The following DHRS7B variants were observed in gnomAD, a reference collection of about 807,000 sequenced individuals.
DHRS7B encodes peroxisomal reductase activating PPAR-gamma.
Under a neutral mutation model 26.4 loss-of-function variants are expected in DHRS7B, and 24 were observed. The observed-to-expected ratio is 0.91, with a 90% CI of 0.66 to 1.28. The LOEUF is 1.28. Ranked by LOEUF, DHRS7B falls within the 50% of genes most tolerant of loss-of-function variation. The pLI, the probability that DHRS7B is intolerant of heterozygous loss-of-function variation, is 0.00. For synonymous variants in DHRS7B, 142 were observed against 166.4 expected, an observed-to-expected ratio of 0.85 and a Z score of 1.13; for missense variants, 368 against 419.4, an observed-to-expected ratio of 0.88 and a Z score of 1.07.
chr17:21,138,152 A>G (rs1176024527), intron 1 of DHRS7B, among the ~76,000 whole-genome samples: 1 of 136,566 alleles, frequency 7.3e-6, no homozygotes, highest in Non-Finnish European at 1.6e-5. Context: ...TGCGACTTAT[A>G]CTGACCATTC....
At chr17:21,162,994 G>A (rs146266754) in intron 1 of DHRS7B, among the ~76,000 whole-genome samples, 2,128 of 152,092 alleles carry the variant, frequency 0.014, 51 homozygotes, top group African/African-American at 0.048. Flanking sequence ...TGAGGACTTC[G>A]AGACCAGCCT....
At chr17:21,129,344 C>G (rs745484206) in intron 1 of DHRS7B, among the ~76,000 whole-genome samples, 6 of 151,882 alleles carry the variant, frequency 4.0e-5, no homozygotes, top group Admixed American at 6.6e-5. Flanking sequence ...GGACAAAGAG[C>G]TAACAGGAGG....
chr17:21,132,354 T>A (rs1461453606), intron 1 of DHRS7B, among the ~76,000 whole-genome samples: 7 of 146,414 alleles, frequency 4.8e-5, no homozygotes, highest in African/African-American at 1.8e-4. Flanking sequence ...AAAAAATATA[T>A]ATATATATAG....
Position 21,190,973 on chromosome 17 carries a change from C to T in DHRS7B, c.798C>T (p.Gly266=), listed in dbSNP as rs756749478. The change falls in exon 7 of 7, where the codon GGC becomes GGT. Residue 266 remains glycine, a synonymous_variant. Coordinates refer to ENST00000395511, the MANE Select transcript of DHRS7B (RefSeq NM_015510.5). ...TTATGGACACCACCACAGCCCAGGG[C>T]CGAAGCCCTGTGGAGGTGGCCCAGG... is the stretch of plus-strand genomic sequence containing the variant. ...YGVMDTTTAQ[G]RSPVEVAQDV... 6 of 1,614,246 alleles carry T rather than the reference C, an allele frequency of 3.7e-6. No homozygotes were observed. Among genetic ancestry groups the T allele is most frequent in the Non-Finnish European group, 4.2e-6 (5 of 1,180,044 alleles).
chr17:21,128,316 C>CT (rs1347715023), intron 1 of DHRS7B: 1 of 152,098 alleles, frequency 6.6e-6, no homozygotes, highest in Non-Finnish European at 1.5e-5. Context: ...AATCCCAGCA[C>CT]TTTAGGAGGC....
Position 21,184,423 on chromosome 17 carries a change from C to G in DHRS7B, c.579C>G (p.Ser193Arg). 6.2e-7 allele frequency: 1 copy of G among 1,614,222 alleles called. No individual in the cohort carries two copies. Among genetic ancestry groups the G allele is most frequent in the Non-Finnish European group, 8.5e-7 (1 of 1,180,042 alleles). ...GGCAAGGCCACATTGTCGCCATCAG[C>G]AGCATCCAGGGCAAGATGAGCATTC... ...KRRQGHIVAI[S>R]SIQGKMSIPF... is the part of the protein sequence containing the mutation. Residue 193 changes from serine to arginine, a missense_variant, in exon 5 of 7, where the codon AGC becomes AGG. Ser to Arg is a moderately radical substitution (Grantham distance 110). Transcript: ENST00000395511.
At chr17:21,169,025 C>T in intron 1 of DHRS7B, 1 of 598,576 alleles carries the variant, frequency 1.7e-6, no homozygotes, top group Non-Finnish European at 2.1e-6. Context: ...GGTTTATTTT[C>T]ATCCTGCTCC....
At chr17:21,187,002 G>T (rs1037025990) in intron 5 of DHRS7B, among the ~76,000 whole-genome samples, 8 of 151,874 alleles carry the variant, frequency 5.3e-5, no homozygotes, top group African/African-American at 1.9e-4. Flanking sequence ...AGGTCTGCAG[G>T]GCCAGCATGG....
chr17:21,141,640 A>AAAAAAAAAAAAAAAAAAAAAAAG lies in DHRS7B; in HGVS notation c.20+14649_20+14650insAAAAAAAAAAAAAAAAAAAAAAG. 3.3e-5 allele frequency among the ~76,000 whole-genome samples: 3 copies of AAAAAAAAAAAAAAAAAAAAAAAG among 90,078 alleles called. 1 individual carries two copies. The highest frequency in any genetic ancestry group is 6.2e-5 in the Non-Finnish European group (3 of 48,492). The allele number at this position is 90,078 out of a possible 152,430, so 59.1% of individuals were successfully genotyped here. A position where few individuals can be genotyped will look rare whatever the true frequency, so the allele number is the denominator to read the frequency against. On this transcript the variant is annotated intron_variant, in intron 1 of 6. Transcript: ENST00000395511. Reference sequence around the variant, plus strand: ...AAAGCAAAAAAAAAAAAAAAAAAAAACAACCTCATCTCAAACTCCACAAAG... The same window carrying AAAAAAAAAAAAAAAAAAAAAAAG: ...AAAGCAAAAAAAAAAAAAAAAAAAAAAAAAAAAAAAAAAAAAAAAAAAGCAACCTCATCTCAAACTCCACAAAG...
At chr17:21,173,559 T>C (rs201320392) in intron 2 of DHRS7B, among the ~76,000 whole-genome samples, 1 of 151,816 alleles carries the variant, frequency 6.6e-6, no homozygotes, top group Non-Finnish European at 1.5e-5. Context: ...GAGAGGCAGG[T>C]GGGTCTTTGT....
In DHRS7B at chr17:21,191,093, G is replaced by T. The variant is rs149212384; in HGVS notation, c.918G>T (p.Gly306=). ...LAVYLRTLAP[G]LFFSLMASRA... is the part of the protein sequence containing the mutation. ...TTTATCTTCGAACTCTGGCTCCTGG[G>T]CTCTTCTTCAGCCTCATGGCCTCCA... The change falls in exon 7 of 7, where the codon GGG becomes GGT. Residue 306 remains glycine, a synonymous_variant. Transcript: ENST00000395511. 2.5e-6 allele frequency: 4 copies of T among 1,614,010 alleles called. No homozygotes were observed. The African/African-American group carries it at 5.3e-5, about 22-fold the overall frequency.
chr17:21,131,335 C>T (rs933004854), intron 1 of DHRS7B, among the ~76,000 whole-genome samples: 9 of 152,182 alleles, frequency 5.9e-5, no homozygotes, highest in Non-Finnish European at 1.3e-4. Flanking sequence ...GGGTAATTCC[C>T]GGAACTGAGA....
At chr17:21,167,171 T>C (rs1299992610) in intron 1 of DHRS7B, among the ~76,000 whole-genome samples, 1 of 152,074 alleles carries the variant, frequency 6.6e-6, no homozygotes, top group Non-Finnish European at 1.5e-5. Flanking sequence ...CATGTCTAAT[T>C]TGAGGTTCCA....
chr17:21,127,314 G>A (rs1227440370), intron 1 of DHRS7B: 2 of 362,862 alleles, frequency 5.5e-6, no homozygotes, highest in Non-Finnish European at 1.0e-5. Flanking sequence ...AGGGCTCCTG[G>A]CTTCAACCTG....
At chr17:21,127,053 G>A in intron 1 of DHRS7B, 62 bp downstream of exon 1, 1 of 1,444,286 alleles carries the variant, frequency 6.9e-7, no homozygotes, top group East Asian at 3.0e-5. Flanking sequence ...TTGAGCTGAG[G>A]CGACGCCCCG....
chr17:21,176,140 G>A (rs547906717), intron 2 of DHRS7B, among the ~76,000 whole-genome samples: 2 of 152,028 alleles, frequency 1.3e-5, no homozygotes, highest in Admixed American at 6.5e-5. Context: ...ACAGGCATGC[G>A]CCACCACACC....
intron 1 of DHRS7B, among the ~76,000 whole-genome samples, chr17:21,133,994 A>C (rs569572910): frequency 3.1e-4 from 47 of 152,286 alleles, no homozygotes; most frequent in Non-Finnish European, 1.3e-4. Context: ...AGCACAGCTT[A>C]GTTTTCAGTG....
intron 1 of DHRS7B, among the ~76,000 whole-genome samples, chr17:21,138,093 T>TACACACAC (rs1199383924): frequency 0.014 from 1,058 of 77,950 alleles, 8 homozygotes; most frequent in African/African-American, 0.033. Flanking sequence ...TATATATATA[T>TACACACAC]ATATATATAC....
chr17:21,160,094 G>A (rs905477605), intron 1 of DHRS7B, among the ~76,000 whole-genome samples: 3 of 151,970 alleles, frequency 2.0e-5, no homozygotes, highest in Non-Finnish European at 2.9e-5. Context: ...GGTGGCTCAC[G>A]CCTGTATTCC....
Sources: allele counts gnomAD v4.1 joint callset (sites outside exome capture counted in the v4.1 genomes callset), GRCh38; gene constraint gnomAD v4.1.1; transcripts MANE v1.5; gene names NCBI Gene and HGNC (gene_info 2026-07-23, HGNC 2026-07-21).